The following EXTL2 variants were observed in gnomAD, a reference collection of about 807,000 sequenced individuals.
EXTL2 encodes the protein exostosin-like 2.
In EXTL2, 23 loss-of-function variants were observed where a neutral mutation model predicts 30.7. The observed-to-expected ratio is 0.75, with a 90% CI of 0.54 to 1.06. EXTL2 has a LOEUF of 1.06. Ranked by LOEUF, EXTL2 falls within the 50% of genes least tolerant of loss-of-function variation. The pLI is 0.00. For synonymous variants in EXTL2, 123 were observed against 133.8 expected, an observed-to-expected ratio of 0.92 and a Z score of 0.56; for missense variants, 352 against 396.3, an observed-to-expected ratio of 0.89 and a Z score of 0.95.
intron 2 of EXTL2, among the ~76,000 whole-genome samples, chr1:100,883,922 A>G (rs1414898569): frequency 6.6e-6 from 1 of 152,168 alleles, no homozygotes; most frequent in Non-Finnish European, 1.5e-5. Flanking sequence ...TAACAGTACA[A>G]ATTCTGTCAT....
chr1:100,882,872 T>C (rs1649672399), intron 2 of EXTL2, among the ~76,000 whole-genome samples: 1 of 152,126 alleles, frequency 6.6e-6, no homozygotes, highest in South Asian at 2.1e-4. Context: ...TAAAAAATAC[T>C]GCCCCAATAA....
At chr1:100,894,057 A>C (rs1650643249) in intron 1 of EXTL2, among the ~76,000 whole-genome samples, 1 of 152,218 alleles carries the variant, frequency 6.6e-6, no homozygotes, top group African/African-American at 2.4e-5. Context: ...ACTTATTTTC[A>C]AAGGCAGAAT....
At chr1:100,876,924 A>C in intron 3 of EXTL2, 60 bp from the exon 4 acceptor site, 2 of 1,108,180 alleles carry the variant, frequency 1.8e-6, no homozygotes, top group Non-Finnish European at 2.8e-6. Context: ...AAAAGTAGTA[A>C]AATACAATAG....
At chr1:100,893,153 C>T (rs1216311383) in intron 1 of EXTL2, among the ~76,000 whole-genome samples, 2 of 152,068 alleles carry the variant, frequency 1.3e-5, no homozygotes, top group African/African-American at 2.4e-5. Flanking sequence ...GGGTAGAAAT[C>T]CATTTTTTAG....
intron 4 of EXTL2, among the ~76,000 whole-genome samples, chr1:100,875,491 A>AT: frequency 6.6e-6 from 1 of 152,108 alleles, no homozygotes; most frequent in Non-Finnish European, 1.5e-5. Context: ...AAGATGCGCT[A>AT]TTTATACAAT....
At chr1:100,889,061 G>T (rs1156396237) in intron 1 of EXTL2, among the ~76,000 whole-genome samples, 2 of 152,158 alleles carry the variant, frequency 1.3e-5, no homozygotes, top group East Asian at 3.8e-4. Context: ...TCTATTGAGG[G>T]TTGTATTAGT....
intron 2 of EXTL2, chr1:100,878,270 T>C (rs1649285926): frequency 2.8e-6 from 1 of 356,322 alleles, no homozygotes; most frequent in African/African-American, 2.1e-5. Flanking sequence ...ACTTCTGTAG[T>C]AGCAGACTTT....
intron 4 of EXTL2, among the ~76,000 whole-genome samples, chr1:100,874,840 T>C (rs545583004): frequency 6.6e-6 from 1 of 152,218 alleles, no homozygotes; most frequent in South Asian, 2.1e-4. Context: ...CTTAGGAGTA[T>C]ATAAAATTAT....
At chr1:100,888,012 T>C (rs1371904583) in intron 2 of EXTL2, among the ~76,000 whole-genome samples, 2 of 152,248 alleles carry the variant, frequency 1.3e-5, no homozygotes, top group Admixed American at 1.3e-4. Flanking sequence ...ACATTGTATT[T>C]TCTATGTCTT....
chr1:100,884,063 A>C (rs1214714606), intron 2 of EXTL2, among the ~76,000 whole-genome samples: 1 of 152,212 alleles, frequency 6.6e-6, no homozygotes, highest in Non-Finnish European at 1.5e-5. Flanking sequence ...TAGTTCCTTC[A>C]GACTGGAAAG....
chr1:100,888,109 C>G (rs973708626), intron 2 of EXTL2, among the ~76,000 whole-genome samples: 2 of 152,222 alleles, frequency 1.3e-5, no homozygotes, highest in Non-Finnish European at 1.5e-5. Context: ...ACCTGGAATA[C>G]TATTTCAATG....
At chr1:100,882,386 T>G (rs894653637) in intron 2 of EXTL2, among the ~76,000 whole-genome samples, 2 of 152,198 alleles carry the variant, frequency 1.3e-5, no homozygotes, top group Non-Finnish European at 2.9e-5. Flanking sequence ...AATGCCAAGG[T>G]TGAGAAACCC....
intron 2 of EXTL2, chr1:100,888,370 G>A (rs1268476854): frequency 6.0e-6 from 1 of 165,304 alleles, no homozygotes; most frequent in Non-Finnish European, 1.3e-5. Flanking sequence ...TTATTATTCT[G>A]TTTTTACAAA....
chr1:100,884,554 G>C (rs1264953192), intron 2 of EXTL2, among the ~76,000 whole-genome samples: 1 of 152,206 alleles, frequency 6.6e-6, no homozygotes, highest in East Asian at 1.9e-4. Flanking sequence ...AAAGGCGCAT[G>C]TGGTGCCAAA....
rs986448922 is a variant in EXTL2 at position 100,894,773 on chromosome 1, G to C, written c.-212C>G. ...AGCGTGCATCTATCCTTCTCCATTAGCTGGATTAACAACCTGGAAAAAGTG... is the reference window on the plus strand; with the variant it reads ...AGCGTGCATCTATCCTTCTCCATTACCTGGATTAACAACCTGGAAAAAGTG... On this transcript the variant is annotated 5_prime_UTR_variant, in exon 1 of 5. Coordinates refer to ENST00000370114, the MANE Select transcript of EXTL2 (RefSeq NM_001033025.3). 5.9e-5 allele frequency: 9 copies of C among 151,738 alleles called. No individual in the cohort carries two copies. The highest frequency in any genetic ancestry group is 2.2e-4 in the African/African-American group (9 of 41,162). The allele number at this position is 151,738 out of a possible 1,614,324, so 9.4% of individuals were successfully genotyped here. A position where few individuals can be genotyped will look rare whatever the true frequency, so the allele number is the denominator to read the frequency against.
chr1:100,885,209 G>C (rs1649865184), intron 2 of EXTL2, among the ~76,000 whole-genome samples: 1 of 152,100 alleles, frequency 6.6e-6, no homozygotes, highest in Non-Finnish European at 1.5e-5. Flanking sequence ...AGATGTCTCA[G>C]ATCTCTGATT....
rs1449233675 is a variant in EXTL2, at chr1:100,877,136, C to G, written c.434-272G>C. ...CCTATAAATGAATAAAGCCAAGATT[C>G]TTTTAAGCAAATTGCAACCTCATGA... is the stretch of plus-strand genomic sequence containing the variant. On this transcript the variant is annotated intron_variant, in intron 3 of 4. Transcript: ENST00000370114. This position sits in a 1 kb window ranked among gnomAD's most constrained non-coding sequence, Gnocchi z 4.1. Among the ~76,000 whole-genome samples, 1 of 151,930 alleles carries G rather than the reference C, an allele frequency of 6.6e-6. No homozygotes were observed. Among genetic ancestry groups the G allele is most frequent in the Non-Finnish European group, 1.5e-5 (1 of 67,974 alleles).
chr1:100,891,532 T>C (rs1650424626), intron 1 of EXTL2, among the ~76,000 whole-genome samples: 1 of 152,110 alleles, frequency 6.6e-6, no homozygotes, highest in Non-Finnish European at 1.5e-5. Flanking sequence ...TGCTGATTGG[T>C]TGGCTTGTGG....
In EXTL2 at chr1:100,877,784, C is replaced by T. The variant is rs745353320; in HGVS notation, c.125G>A (p.Ser42Asn). Residue 42 changes from serine to asparagine, a missense_variant, in exon 3 of 5, where the codon AGT (serine) becomes AAT (asparagine). Coordinates refer to ENST00000370114, the MANE Select transcript of EXTL2 (RefSeq NM_001033025.3). The surrounding 1 kb of genome is among the most constrained non-coding windows in gnomAD (Gnocchi z 4.1). The stretch of plus-strand genomic sequence containing the variant: ...CATGAGCATCTTGTCTTCTTTAACA[C>T]TGGGAAGTAAGGCAGTCAAAGCACC... ...VAGALTALLP[S>N]VKEDKMLMLR... 6.2e-7 allele frequency: 1 copy of T among 1,611,780 alleles called. No individual in the cohort carries two copies. The highest frequency in any genetic ancestry group is 8.5e-7 in the Non-Finnish European group (1 of 1,179,646).
Sources: gnomAD v4.1 joint callset for allele counts (sites outside exome capture counted in the v4.1 genomes callset) on GRCh38, gnomAD v4.1.1 for gene constraint, Gnocchi (gnomAD v3.1) non-coding constraint, MANE v1.5 for transcripts, NCBI Gene and HGNC (gene_info 2026-07-23, HGNC 2026-07-21) for gene names.